Variants in SLC36A1 observed in about 807,000 individuals in gnomAD.
SLC36A1 encodes the protein proton-coupled amino acid transporter 1.
SLC36A1 carries 30 observed loss-of-function variants against 47.5 expected under a neutral mutation model. The ratio of observed to expected loss-of-function variants is 0.63; its 90% confidence interval spans 0.47 to 0.86. SLC36A1 has a LOEUF of 0.86. Ranked by LOEUF, SLC36A1 falls within the 40% of genes least tolerant of loss-of-function variation. The pLI, the probability that SLC36A1 is intolerant of heterozygous loss-of-function variation, is 0.00. For synonymous variants in SLC36A1, 255 were observed against 249.7 expected (o/e 1.02, Z -0.20); for missense variants, 517 against 606.0 (o/e 0.85, Z 1.54).
At chr5:151,427,719 G>T in the SLC36A1 span, among the ~76,000 whole-genome samples, 1 of 152,140 alleles carries the variant, frequency 6.6e-6, no homozygotes. Context: ...GCGTTCCAGT[G>T]GGGACCCCTG....
chr5:151,435,480 T>C (rs1759714123), upstream of SLC36A1, among the ~76,000 whole-genome samples: 1 of 152,134 alleles, frequency 6.6e-6, no homozygotes, highest in Non-Finnish European at 1.5e-5. Flanking sequence ...AAATCTTGAT[T>C]CTAATAATAA....
upstream of SLC36A1, among the ~76,000 whole-genome samples, chr5:151,436,402 G>A (rs146394501): frequency 0.021 from 3,233 of 152,068 alleles, 54 homozygotes; most frequent in Non-Finnish European, 0.031. Context: ...GGTTGGAGTG[G>A]ATGTTGAGGG....
At chr5:151,393,976 T>C in the SLC36A1 span, among the ~76,000 whole-genome samples, 9 of 42,624 alleles carry the variant, frequency 2.1e-4, 1 homozygote, top group Middle Eastern at 0.059. Flanking sequence ...GAAGTTCTCC[T>C]GGATAATATC....
At chr5:151,502,822 A>G in the SLC36A1 span, among the ~76,000 whole-genome samples, 1 of 148,366 alleles carries the variant, frequency 6.7e-6, no homozygotes, top group Admixed American at 6.6e-5. Context: ...ATAGTTGCCA[A>G]AACTTGGAAG....
the SLC36A1 span, among the ~76,000 whole-genome samples, chr5:151,555,402 G>A: frequency 1.6e-5 from 2 of 126,292 alleles, no homozygotes; most frequent in Admixed American, 1.0e-4. Flanking sequence ...ACTGAGTCTC[G>A]CTCTATCGCC....
chr5:151,538,659 A>G, the SLC36A1 span, among the ~76,000 whole-genome samples: 1 of 152,082 alleles, frequency 6.6e-6, no homozygotes, highest in Non-Finnish European at 1.5e-5. Flanking sequence ...CATGCCCTGG[A>G]TGGAAGCTTT....
chr5:151,391,246 A>G, the SLC36A1 span, among the ~76,000 whole-genome samples: 2 of 152,188 alleles, frequency 1.3e-5, no homozygotes, highest in Non-Finnish European at 2.9e-5. Flanking sequence ...ATTTTTGCAC[A>G]TTGATTTTTT....
intron 4 of SLC36A1, 46 bp downstream of exon 4, chr5:151,464,648 G>C (rs759735235): frequency 6.4e-7 from 1 of 1,553,414 alleles, no homozygotes; most frequent in South Asian, 1.1e-5. Context: ...TTGTCCTTTT[G>C]GGTTCTGTTA....
chr5:151,525,796 G>T, the SLC36A1 span: 2 of 1,614,100 alleles, frequency 1.2e-6, no homozygotes, highest in Non-Finnish European at 1.7e-6. Context: ...CCATTCCTGA[G>T]CCCTCCTGCT....
the SLC36A1 span, among the ~76,000 whole-genome samples, chr5:151,374,237 A>T: frequency 6.6e-6 from 1 of 152,120 alleles, no homozygotes; most frequent in Non-Finnish European, 1.5e-5. Flanking sequence ...TCAGACTGGG[A>T]CACTTCCTGT....
chr5:151,506,560 C>G, the SLC36A1 span, among the ~76,000 whole-genome samples: 2 of 152,230 alleles, frequency 1.3e-5, no homozygotes, highest in African/African-American at 4.8e-5. Context: ...TTGGTCCTAG[C>G]CCTGCCTCTG....
intron 8 of SLC36A1, among the ~76,000 whole-genome samples, chr5:151,475,666 G>A (rs564969902): frequency 1.3e-5 from 2 of 152,354 alleles, no homozygotes; most frequent in African/African-American, 4.8e-5. Flanking sequence ...GGAGCAGGTG[G>A]TGGGGGACAC....
the SLC36A1 span, among the ~76,000 whole-genome samples, chr5:151,396,762 C>T: frequency 0.53 from 80,376 of 151,656 alleles, 24,145 homozygotes; most frequent in African/African-American, 0.84. Context: ...CTAAGGTCTG[C>T]ACTTGGATTT....
chr5:151,439,142 G>A (rs1026366604), intron 1 of SLC36A1, among the ~76,000 whole-genome samples: 2 of 151,918 alleles, frequency 1.3e-5, no homozygotes, highest in South Asian at 4.2e-4. Context: ...GAGAGTGCAG[G>A]GGAAACTGCC....
At position 151,464,585 on chromosome 5, in the gene SLC36A1, T is replaced by C. The variant is rs778622933; in HGVS notation, c.306T>C (p.Ala102=). ...VHCMGILVKC[A]HHFCRRLNKS... Reference sequence around the variant, plus strand: ...GCATGGGTATCCTGGTGAAATGTGCTCACCACTTCTGCCGCAGGTGAGAGC... The same window carrying C: ...GCATGGGTATCCTGGTGAAATGTGCCCACCACTTCTGCCGCAGGTGAGAGC... Residue 102 remains alanine, a synonymous_variant, in exon 4 of 11, where the codon GCT becomes GCC. Transcript: ENST00000243389. The C allele has an allele frequency of 1.2e-6, 2 of 1,613,980 alleles. No homozygotes were observed. Among genetic ancestry groups the C allele is most frequent in the Admixed American group, 3.3e-5 (2 of 59,998 alleles).
At chr5:151,407,960 G>A in the SLC36A1 span, among the ~76,000 whole-genome samples, 1 of 152,160 alleles carries the variant, frequency 6.6e-6, no homozygotes, top group Non-Finnish European at 1.5e-5. Flanking sequence ...AGGTTCTTGT[G>A]ATAGGCCAGG....
intron 10 of SLC36A1, chr5:151,479,770 G>A (rs748824472): frequency 2.3e-5 from 12 of 525,514 alleles, no homozygotes; most frequent in Middle Eastern, 4.8e-4. Flanking sequence ...AAAGACATGC[G>A]ATTACTATCC....
chr5:151,537,933 C>T, the SLC36A1 span: 1 of 1,613,672 alleles, frequency 6.2e-7, no homozygotes, highest in African/African-American at 1.3e-5. Context: ...ATGAACCTTG[C>T]CAGTATAGAG....
the SLC36A1 span, among the ~76,000 whole-genome samples, chr5:151,526,706 C>T: frequency 6.6e-6 from 1 of 152,164 alleles, no homozygotes; most frequent in Non-Finnish European, 1.5e-5. Flanking sequence ...AACCCATACC[C>T]ATAATATATA....
Sources: gnomAD v4.1 joint callset for allele counts (sites outside exome capture counted in the v4.1 genomes callset) on GRCh38, gnomAD v4.1.1 for gene constraint, MANE v1.5 for transcripts, NCBI Gene and HGNC (gene_info 2026-07-23, HGNC 2026-07-21) for gene names.